Variants in KCNJ6 observed in about 807,000 individuals in gnomAD.
KCNJ6 encodes potassium inwardly rectifying channel subfamily J member 6.
Under a neutral mutation model 34.2 loss-of-function variants are expected in KCNJ6, and 9 were observed. That is an observed-to-expected ratio of 0.26 (90% confidence interval 0.16 to 0.46). The LOEUF is 0.46. Among genes scored for constraint, KCNJ6 ranks in the 20% least tolerant of loss-of-function variants. The pLI is 1.00. For synonymous variants in KCNJ6, 196 were observed against 207.1 expected, an observed-to-expected ratio of 0.95 and a Z score of 0.46; for missense variants, 236 against 531.3, an observed-to-expected ratio of 0.44 and a Z score of 5.46.
chr21:37,871,380 C>G (rs991188995), intron 1 of KCNJ6, among the ~76,000 whole-genome samples: 4 of 152,184 alleles, frequency 2.6e-5, no homozygotes, highest in Non-Finnish European at 4.4e-5. Context: ...CTTCGTGTTC[C>G]AGGTGGGTGG....
intron 3 of KCNJ6, among the ~76,000 whole-genome samples, chr21:37,664,838 C>A (rs1306721001): frequency 7.0e-6 from 1 of 141,878 alleles, no homozygotes; most frequent in Non-Finnish European, 1.5e-5. Flanking sequence ...GCTTTGTTGC[C>A]CAGGCTGAAG....
chr21:37,914,912 T>C (rs754751854), intron 1 of KCNJ6, among the ~76,000 whole-genome samples: 290 of 122,760 alleles, frequency 2.4e-3, no homozygotes, highest in Admixed American at 3.6e-3. Context: ...ACTGGAGTTG[T>C]GGGGTTTTTT....
chr21:37,778,645 C>T (rs1353736439), intron 2 of KCNJ6, among the ~76,000 whole-genome samples: 1 of 151,942 alleles, frequency 6.6e-6, no homozygotes, highest in Admixed American at 6.6e-5. Flanking sequence ...CTTTCAGGTC[C>T]CTGGACTCTG....
intron 2 of KCNJ6, among the ~76,000 whole-genome samples, chr21:37,777,361 C>A (rs940860326): frequency 2.0e-5 from 3 of 152,098 alleles, no homozygotes; most frequent in Admixed American, 6.5e-5. Flanking sequence ...TCTTTCTTGT[C>A]CTTTCCCCAG....
At chr21:37,763,754 GA>G (rs1173733802) in intron 2 of KCNJ6, among the ~76,000 whole-genome samples, 1 of 152,158 alleles carries the variant, frequency 6.6e-6, no homozygotes, top group African/African-American at 2.4e-5. Flanking sequence ...ACCTATGAGT[GA>G]GAACATGCTG....
chr21:37,677,382 T>TG (rs775418008), intron 3 of KCNJ6, among the ~76,000 whole-genome samples: 1 of 152,178 alleles, frequency 6.6e-6, no homozygotes, highest in Non-Finnish European at 1.5e-5. Flanking sequence ...TTCAGTTTTT[T>TG]GGGGAAAACC....
intron 3 of KCNJ6, among the ~76,000 whole-genome samples, chr21:37,655,211 GTGTGTGTGTGTGTGAGAGAGAGA>G (rs1569438820): frequency 1.7e-5 from 1 of 58,896 alleles, no homozygotes; most frequent in African/African-American, 5.1e-5. Flanking sequence ...GTGTGTGTGT[GTGTGTGTGTGTGTGAGAGAGAGA>G]GAGAGAGAGA....
intron 3 of KCNJ6, among the ~76,000 whole-genome samples, chr21:37,656,021 A>C (rs1452106029): frequency 6.6e-6 from 1 of 152,132 alleles, no homozygotes; most frequent in Non-Finnish European, 1.5e-5. Flanking sequence ...CTGGACCCTC[A>C]TGGACTTAGG....
rs111935823 is a variant in KCNJ6, at chr21:37,695,703, C to G, written c.946+18508G>C. Among the ~76,000 whole-genome samples the G allele has an allele frequency of 1.3e-5, 2 of 152,112 alleles. No homozygotes were observed. The highest frequency in any genetic ancestry group is 2.9e-5 in the Non-Finnish European group (2 of 68,024). On this transcript the variant is annotated intron_variant, in intron 3 of 3. Coordinates refer to ENST00000609713, the MANE Select transcript of KCNJ6 (RefSeq NM_002240.5). The surrounding 1 kb of genome is among the most constrained non-coding windows in gnomAD (Gnocchi z 4.2). ...GCAGCCAGTTAAGCTGGGCTAGAAC[C>G]GACCTCTTTTGTAAATGGAGGGACC...
chr21:37,725,801 T>A (rs570036690), intron 2 of KCNJ6, among the ~76,000 whole-genome samples: 1 of 152,384 alleles, frequency 6.6e-6, no homozygotes, highest in Admixed American at 6.5e-5. Flanking sequence ...GCTGCAGATA[T>A]AATCAATGGA....
chr21:37,643,937 C>T (rs1179620223), intron 3 of KCNJ6, among the ~76,000 whole-genome samples: 1 of 152,158 alleles, frequency 6.6e-6, no homozygotes, highest in Non-Finnish European at 1.5e-5. Context: ...AGGTTCATTG[C>T]AGCACTATTC....
intron 1 of KCNJ6, among the ~76,000 whole-genome samples, chr21:37,857,014 A>C (rs919682908): frequency 1.3e-5 from 2 of 152,224 alleles, no homozygotes; most frequent in African/African-American, 2.4e-5. Context: ...CCGATACTCC[A>C]ATGAAGACCC....
chr21:37,906,991 A>G (rs974054577), intron 1 of KCNJ6, among the ~76,000 whole-genome samples: 1 of 152,134 alleles, frequency 6.6e-6, no homozygotes, highest in Non-Finnish European at 1.5e-5. Context: ...TTGAAACTAG[A>G]TTTCTTGAGA....
At chr21:37,879,714 A>AGTGTGTGTGTGT (rs56736533) in intron 1 of KCNJ6, among the ~76,000 whole-genome samples, 1 of 143,288 alleles carries the variant, frequency 7.0e-6, no homozygotes, top group Non-Finnish European at 1.5e-5. Context: ...CTTGAAATGA[A>AGTGTGTGTGTGT]GTGTGTGTGT....
intron 2 of KCNJ6, among the ~76,000 whole-genome samples, chr21:37,823,900 G>A (rs892349741): frequency 6.6e-6 from 1 of 152,288 alleles, no homozygotes; most frequent in Non-Finnish European, 1.5e-5. Flanking sequence ...CTTACCATAC[G>A]GTATGGTGAC....
chr21:37,739,430 AG>A (rs982679172), intron 2 of KCNJ6, among the ~76,000 whole-genome samples: 3 of 152,168 alleles, frequency 2.0e-5, no homozygotes, highest in Non-Finnish European at 1.5e-5. Context: ...GCTGCTTATT[AG>A]GGGGGTTTAA....
intron 3 of KCNJ6, among the ~76,000 whole-genome samples, chr21:37,660,851 C>T (rs926427526): frequency 2.6e-5 from 4 of 152,140 alleles, no homozygotes; most frequent in African/African-American, 9.7e-5. Context: ...TCGGTGTCCC[C>T]GTCTGTGCCT....
At chr21:37,775,421 T>C (rs1207226779) in intron 2 of KCNJ6, among the ~76,000 whole-genome samples, 1 of 152,228 alleles carries the variant, frequency 6.6e-6, no homozygotes, top group African/African-American at 2.4e-5. Context: ...ATGAAGTCCT[T>C]GCCCATGCCT....
chr21:37,677,595 T>C (rs911705756), intron 3 of KCNJ6, among the ~76,000 whole-genome samples: 3 of 152,238 alleles, frequency 2.0e-5, no homozygotes, highest in African/African-American at 7.2e-5. Flanking sequence ...CTGTTTTCCA[T>C]AACATTTTTC....
Sources: allele counts gnomAD v4.1 joint callset (sites outside exome capture counted in the v4.1 genomes callset), GRCh38; gene constraint gnomAD v4.1.1; non-coding constraint Gnocchi (gnomAD v3.1); transcripts MANE v1.5; gene names NCBI Gene and HGNC (gene_info 2026-07-23, HGNC 2026-07-21).